Variants in POR observed in about 807,000 individuals in gnomAD.
POR encodes cytochrome p450 oxidoreductase.
In POR, 56 loss-of-function variants were observed where a neutral mutation model predicts 84.0. The observed-to-expected ratio is 0.67, with a 90% CI of 0.54 to 0.83. The LOEUF is 0.83. POR is among the 40% of genes least tolerant of loss of function. The probability of loss-of-function intolerance (pLI) is 0.00; values close to 1 mark genes in which losing one functional copy is unlikely to be tolerated. For missense variants in POR, 938 were observed against 944.3 expected, an observed-to-expected ratio of 0.99 and a Z score of 0.09; for synonymous variants, 414 against 400.5, an observed-to-expected ratio of 1.03 and a Z score of -0.40.
chr7:75,944,632 T>G (rs1295867115), intron 1 of POR, among the ~76,000 whole-genome samples: 2 of 139,682 alleles, frequency 1.4e-5, no homozygotes, highest in Non-Finnish European at 3.0e-5. Context: ...CACAAAACTC[T>G]CAACTTGAAT....
Position 75,932,975 on chromosome 7 carries a change from T to A in POR, c.-5+17796T>A, listed in dbSNP as rs185418840. 8.8e-5 allele frequency among the ~76,000 whole-genome samples: 13 copies of A among 146,990 alleles called. No individual in the cohort carries two copies. In the Admixed American group the frequency reaches 9.2e-4, roughly 10 times the overall value. ...GGAGGTTGCAGTGAGCTGAGCGAGA[T>A]GGCACCACTGCATTCCAGCCTGGGC... On this transcript the variant is annotated intron_variant, in intron 1 of 15. Coordinates refer to ENST00000461988, the MANE Select transcript of POR (RefSeq NM_000941.3).
In POR at chr7:75,964,514, G is replaced by A. The variant is rs1009473607; in HGVS notation, c.189-7899G>A. On this transcript the variant is annotated intron_variant, in intron 2 of 15. Transcript: ENST00000461988. Reference sequence around the variant, plus strand: ...GTAGAGACGGGGTTTCACCATATTGGCCAGGCTGATCTCGAACTGCTGACC... The same window carrying A: ...GTAGAGACGGGGTTTCACCATATTGACCAGGCTGATCTCGAACTGCTGACC... Among the ~76,000 whole-genome samples, 18 of 151,762 alleles carry A rather than the reference G, an allele frequency of 1.2e-4. No individual in the cohort carries two copies. The East Asian group carries it at 3.5e-3, about 29-fold the overall frequency.
intron 4 of POR, chr7:75,979,933 C>G (rs1788916817): frequency 2.6e-6 from 1 of 382,752 alleles, no homozygotes. Flanking sequence ...CCCCACAGCC[C>G]TCTCCAGGCT....
intron 2 of POR, chr7:75,967,730 G>A (rs1334209026): frequency 8.8e-6 from 2 of 226,048 alleles, no homozygotes; most frequent in African/African-American, 4.4e-5. Flanking sequence ...GTCGGGGTTG[G>A]AAAGGTTTTC....
chr7:75,981,289 C>T, intron 6 of POR, 117 bp downstream of exon 6: 1 of 1,410,122 alleles, frequency 7.1e-7, no homozygotes, highest in Non-Finnish European at 9.4e-7. Context: ...ACCTCCAACA[C>T]AGAGGGAAGG....
intron 3 of POR, among the ~76,000 whole-genome samples, chr7:75,974,322 G>A (rs1261132394): frequency 5.9e-5 from 9 of 152,086 alleles, no homozygotes; most frequent in Admixed American, 2.0e-4. Flanking sequence ...ACCGTGGCAC[G>A]CGCTCAAGAA....
intron 1 of POR, among the ~76,000 whole-genome samples, chr7:75,926,185 TG>T (rs60924259): frequency 0.21 from 31,612 of 151,610 alleles, 5,262 homozygotes; most frequent in African/African-American, 0.45. Context: ...TTTGCAGAGA[TG>T]GGGTCTTGCT....
At chr7:75,926,577 C>G (rs1468025879) in intron 1 of POR, among the ~76,000 whole-genome samples, 1 of 152,102 alleles carries the variant, frequency 6.6e-6, no homozygotes, top group East Asian at 1.9e-4. Context: ...GGGCAGATCA[C>G]CTGAGGTCGC....
intron 1 of POR, among the ~76,000 whole-genome samples, chr7:75,922,054 AG>A (rs1554548900): frequency 1.3e-5 from 2 of 152,164 alleles, no homozygotes; most frequent in African/African-American, 4.8e-5. Context: ...GCTTTCATAA[AG>A]GATAAACAGT....
intron 3 of POR, among the ~76,000 whole-genome samples, chr7:75,978,202 T>C (rs1231727529): frequency 1.3e-5 from 2 of 152,250 alleles, no homozygotes; most frequent in Non-Finnish European, 2.9e-5. Flanking sequence ...TGTTTTGATA[T>C]ACATATCTAT....
At chr7:75,916,067 A>G (rs1329601831) in intron 1 of POR, among the ~76,000 whole-genome samples, 1 of 152,096 alleles carries the variant, frequency 6.6e-6, no homozygotes, top group Non-Finnish European at 1.5e-5. Context: ...ATGCCAGCAC[A>G]AAAGGAGACA....
chr7:75,932,902 C>T (rs1554550316), intron 1 of POR, among the ~76,000 whole-genome samples: 1 of 151,810 alleles, frequency 6.6e-6, no homozygotes, highest in African/African-American at 2.4e-5. Flanking sequence ...CCTGTAATCC[C>T]AGCTACTCCA....
chr7:75,931,193 A>T lies in POR; in HGVS notation c.-5+16014A>T, dbSNP rs547591486. Among the ~76,000 whole-genome samples the T allele has an allele frequency of 2.0e-5, 3 of 152,294 alleles. No homozygotes were observed. In the South Asian group the frequency reaches 6.2e-4, roughly 32 times the overall value. On this transcript the variant is annotated intron_variant, in intron 1 of 15. Transcript: ENST00000461988. Reference sequence around the variant, plus strand: ...TCCATCACCCATTGAATGGATAAACAAAATGTGGTATATCCATACGATGAA... The same window carrying T: ...TCCATCACCCATTGAATGGATAAACTAAATGTGGTATATCCATACGATGAA...
chr7:75,956,128 G>A (rs1412929641), intron 2 of POR, among the ~76,000 whole-genome samples: 1 of 152,078 alleles, frequency 6.6e-6, no homozygotes, highest in Non-Finnish European at 1.5e-5. Context: ...GCGAAACCCC[G>A]TCTCTACCGA....
At chr7:75,928,152 G>A (rs1326706078) in intron 1 of POR, among the ~76,000 whole-genome samples, 1 of 151,794 alleles carries the variant, frequency 6.6e-6, no homozygotes, top group Non-Finnish European at 1.5e-5. Context: ...TGTATTTTTA[G>A]TAGAGATAGG....
At chr7:75,953,137 C>T (rs1422816616) in intron 1 of POR, among the ~76,000 whole-genome samples, 3 of 152,110 alleles carry the variant, frequency 2.0e-5, no homozygotes, top group Non-Finnish European at 4.4e-5. Flanking sequence ...GCCAACACAG[C>T]GAAACCCCGT....
chr7:75,974,143 A>G (rs781883238), intron 3 of POR, among the ~76,000 whole-genome samples: 2 of 152,172 alleles, frequency 1.3e-5, no homozygotes, highest in Non-Finnish European at 2.9e-5. Flanking sequence ...AAAGATGGGC[A>G]CTGGGGCTGT....
intron 1 of POR, among the ~76,000 whole-genome samples, chr7:75,949,952 G>T (rs761755128): frequency 6.6e-6 from 1 of 151,722 alleles, no homozygotes. Flanking sequence ...TCTGCCTTCC[G>T]GGTTCACACC....
At chr7:75,961,618 T>C (rs782814219) in intron 2 of POR, among the ~76,000 whole-genome samples, 1 of 152,124 alleles carries the variant, frequency 6.6e-6, no homozygotes, top group Non-Finnish European at 1.5e-5. Flanking sequence ...TCCTCGCCGG[T>C]CTTATTTCTT....
Sources: gnomAD v4.1 joint callset for allele counts (sites outside exome capture counted in the v4.1 genomes callset) on GRCh38, gnomAD v4.1.1 for gene constraint, MANE v1.5 for transcripts, NCBI Gene and HGNC (gene_info 2026-07-23, HGNC 2026-07-21) for gene names.